MBD5: variants seen among roughly 807,000 people sequenced by gnomAD.
The protein encoded by MBD5 is methyl-CpG-binding domain protein 5.
Under a neutral mutation model 117.3 loss-of-function variants are expected in MBD5, and 13 were observed. The observed-to-expected ratio is 0.11, with a 90% CI of 0.07 to 0.18. MBD5 has a LOEUF of 0.18. Among genes scored for constraint, MBD5 ranks in the 10% least tolerant of loss-of-function variants. The probability of loss-of-function intolerance (pLI) is 1.00; values close to 1 mark genes in which losing one functional copy is unlikely to be tolerated. For missense variants in MBD5, 1,879 were observed against 2,093.8 expected, an observed-to-expected ratio of 0.90 and a Z score of 2.00; for synonymous variants, 727 against 766.4, an observed-to-expected ratio of 0.95 and a Z score of 0.85.
intron 4 of MBD5, among the ~76,000 whole-genome samples, chr2:148,385,991 A>G (rs199892179): frequency 6.7e-6 from 1 of 149,668 alleles, no homozygotes; most frequent in South Asian, 2.2e-4. Context: ...GGATAGCATT[A>G]GGAGATATAC....
At chr2:148,460,513 C>G (rs555543961) in intron 5 of MBD5, among the ~76,000 whole-genome samples, 2 of 152,138 alleles carry the variant, frequency 1.3e-5, no homozygotes, top group Non-Finnish European at 2.9e-5. Context: ...ACATGTATAG[C>G]TCCTTCTATA....
At chr2:148,361,672 T>C (rs7567204) in intron 4 of MBD5, among the ~76,000 whole-genome samples, 76,003 of 152,042 alleles carry the variant, frequency 0.5, 19,238 homozygotes, top group East Asian at 0.75. Flanking sequence ...GCCAATCCCA[T>C]AGTTTGGACA....
At chr2:148,083,906 A>G (rs542798285) in intron 1 of MBD5, among the ~76,000 whole-genome samples, 2 of 152,270 alleles carry the variant, frequency 1.3e-5, no homozygotes, top group African/African-American at 4.8e-5. Flanking sequence ...GATTACAGGC[A>G]TGAGCCACTG....
chr2:148,202,540 G>T (rs1699170805), intron 2 of MBD5, among the ~76,000 whole-genome samples: 2 of 152,016 alleles, frequency 1.3e-5, no homozygotes, highest in Non-Finnish European at 2.9e-5. Context: ...GGGATTACAA[G>T]GCCAGAAATG....
At chr2:148,162,048 G>C (rs1020275709) in intron 1 of MBD5, among the ~76,000 whole-genome samples, 2 of 152,176 alleles carry the variant, frequency 1.3e-5, no homozygotes, top group African/African-American at 4.8e-5. Context: ...CCAAAGGCCA[G>C]CTCCTCCACC....
chr2:148,287,005 ATTGT>A (rs1254984810), intron 3 of MBD5, among the ~76,000 whole-genome samples: 3 of 152,096 alleles, frequency 2.0e-5, no homozygotes, highest in Non-Finnish European at 4.4e-5. Context: ...TCTTGCCCTT[ATTGT>A]TTAACTTTCT....
chr2:148,218,542 C>G (rs551743873), intron 2 of MBD5, among the ~76,000 whole-genome samples: 76 of 152,256 alleles, frequency 5.0e-4, no homozygotes, highest in African/African-American at 1.8e-3. Context: ...TCATGCATCG[C>G]TTAATGACAT....
At chr2:148,330,088 TACACACAC>T (rs377202803) in intron 3 of MBD5, among the ~76,000 whole-genome samples, 3 of 40,392 alleles carry the variant, frequency 7.4e-5, no homozygotes, top group Non-Finnish European at 9.7e-5. Flanking sequence ...CCTCCTGCCA[TACACACAC>T]ACACACACAC....
chr2:148,049,414 T>C (rs1442936430), intron 1 of MBD5, among the ~76,000 whole-genome samples: 1 of 152,182 alleles, frequency 6.6e-6, no homozygotes, highest in Non-Finnish European at 1.5e-5. Context: ...TCTAGCTAGT[T>C]AGGACTATGG....
intron 3 of MBD5, among the ~76,000 whole-genome samples, chr2:148,252,051 C>T (rs918644148): frequency 1.3e-5 from 2 of 152,132 alleles, no homozygotes; most frequent in Non-Finnish European, 2.9e-5. Flanking sequence ...TTGGCTGCCA[C>T]AGTGATTGGA....
intron 3 of MBD5, among the ~76,000 whole-genome samples, chr2:148,245,784 T>A (rs1236210020): frequency 2.0e-5 from 3 of 152,164 alleles, no homozygotes; most frequent in Admixed American, 2.0e-4. Context: ...AACATTCTAC[T>A]AAGCAGAATA....
chr2:148,332,973 G>A (rs1052121023), intron 3 of MBD5, among the ~76,000 whole-genome samples: 2 of 151,602 alleles, frequency 1.3e-5, no homozygotes, highest in South Asian at 4.2e-4. Context: ...TTTTTTCTTA[G>A]TGTCTTTACT....
intron 11 of MBD5, among the ~76,000 whole-genome samples, chr2:148,497,737 A>G (rs956366245): frequency 6.6e-6 from 1 of 151,254 alleles, no homozygotes; most frequent in South Asian, 2.1e-4. Context: ...ATGAGCTATG[A>G]TCACACCACT....
chr2:148,309,248 A>G (rs1424200068), intron 3 of MBD5, among the ~76,000 whole-genome samples: 2 of 152,166 alleles, frequency 1.3e-5, no homozygotes, highest in Non-Finnish European at 2.9e-5. Flanking sequence ...TTTGGGCAGT[A>G]TGGCCATTTT....
intron 1 of MBD5, among the ~76,000 whole-genome samples, chr2:148,039,497 GAC>G (rs1417188642): frequency 6.6e-6 from 1 of 152,096 alleles, no homozygotes; most frequent in Non-Finnish European, 1.5e-5. Flanking sequence ...GGCTAAAAGA[GAC>G]ACAAGAAAAC....
chr2:148,022,998 T>A (rs2105526034), intron 1 of MBD5, among the ~76,000 whole-genome samples: 1 of 152,298 alleles, frequency 6.6e-6, no homozygotes. Context: ...TTTTGTTTCA[T>A]ATATACATTT....
At position 148,142,006 on chromosome 2, in the gene MBD5, GA is replaced by G. The variant is rs754485953; in HGVS notation, c.-924-36691del. On this transcript the variant is annotated intron_variant, in intron 1 of 13. Coordinates refer to ENST00000642680, the MANE Select transcript of MBD5 (RefSeq NM_001378120.1). Reference sequence around the variant, plus strand: ...TAATAATAATAAATAAAATACTTTGGAAACTTAAATAGGCTGGAAGAAAACC... The same window carrying G: ...TAATAATAATAAATAAAATACTTTGGAACTTAAATAGGCTGGAAGAAAACC... Among the ~76,000 whole-genome samples, 37 of 151,792 alleles carry G rather than the reference GA, an allele frequency of 2.4e-4. 3 individuals are homozygous for G. The highest frequency in any genetic ancestry group is 1.7e-3 in the Admixed American group (26 of 15,198).
intron 4 of MBD5, among the ~76,000 whole-genome samples, chr2:148,397,891 G>C (rs1331559720): frequency 1.3e-5 from 2 of 151,224 alleles, no homozygotes; most frequent in South Asian, 2.1e-4. Flanking sequence ...CTATGAGTGA[G>C]AACATGCAGT....
In MBD5 at chr2:148,490,474, G is replaced by T. The variant is rs766514386; in HGVS notation, c.4842G>T (p.Arg1614Ser). ...ATGAATTGATACATTATAGACCAAG[G>T]ACGTTCAATGTTGGCGACTTGGTCT... is the stretch of plus-strand genomic sequence containing the variant. ...SSNELIHYRP[R>S]TFNVGDLVWG... The change falls in exon 11 of 14, where the codon AGG becomes AGT. Residue 1614 changes from arginine (R) to serine (S), a missense_variant. Transcript: ENST00000642680. 2 of 1,614,162 alleles carry T rather than the reference G, an allele frequency of 1.2e-6. No individual in the cohort carries two copies. The highest frequency in any genetic ancestry group is 2.2e-5 in the South Asian group (2 of 91,074).
Sources: gnomAD v4.1 joint callset for allele counts (sites outside exome capture counted in the v4.1 genomes callset) on GRCh38, gnomAD v4.1.1 for gene constraint, MANE v1.5 for transcripts, NCBI Gene and HGNC (gene_info 2026-07-23, HGNC 2026-07-21) for gene names.